Variants in HECTD4 observed in about 807,000 individuals in gnomAD.
HECTD4 encodes probable E3 ubiquitin-protein ligase HECTD4.
HECTD4 carries 114 observed loss-of-function variants against 471.5 expected under a neutral mutation model. The observed-to-expected ratio is 0.24, with a 90% CI of 0.21 to 0.28. The LOEUF is 0.28. HECTD4 is among the 10% of genes least tolerant of loss of function. The probability of loss-of-function intolerance (pLI) is 1.00; values close to 1 mark genes in which losing one functional copy is unlikely to be tolerated. For missense variants in HECTD4, 3,866 were observed against 5,651.5 expected (o/e 0.68, Z 10.13); for synonymous variants, 2,012 against 2,256.0 (o/e 0.89, Z 3.07).
chr12:112,275,833 A>G (rs927890251), intron 9 of HECTD4, among the ~76,000 whole-genome samples: 1 of 152,178 alleles, frequency 6.6e-6, no homozygotes, highest in African/African-American at 2.4e-5. Flanking sequence ...AAAATGGGAC[A>G]GTGGAAAATA....
At chr12:112,232,929 A>G (rs570452086) in intron 38 of HECTD4, 75 bp downstream of exon 38, 1 of 1,344,192 alleles carries the variant, frequency 7.4e-7, no homozygotes, top group African/African-American at 1.4e-5. Flanking sequence ...TGTTTTCTTA[A>G]TTTGTTCTGA....
chr12:112,258,574 T>C lies in HECTD4; in HGVS notation c.3050A>G (p.Gln1017Arg). The change falls in exon 20 of 76, where the codon CAG becomes CGG. Residue 1017 changes from glutamine to arginine, a missense_variant. Physicochemically the swap from Gln to Arg is conservative, Grantham distance 43 (BLOSUM62 1). This residue lies in a region of HECTD4 where 525 missense variants were observed against 672.6 expected (regional missense o/e 0.78). Coordinates refer to ENST00000682272, the MANE Select transcript of HECTD4 (RefSeq NM_001388303.1). ...GCCCACCTCAGCAAAAACCGGACAC[T>C]GGGTTTTAAGCAGCAACGCCGTCTG... ...TSQTALLLKT[Q>R]CPVFAEVGCS... 4 of 1,605,128 alleles carry C rather than the reference T, an allele frequency of 2.5e-6. No homozygotes were observed. The highest frequency in any genetic ancestry group is 3.4e-6 in the Non-Finnish European group (4 of 1,176,666).
At chr12:112,196,530 G>A (rs2032249720) in intron 55 of HECTD4, among the ~76,000 whole-genome samples, 1 of 152,136 alleles carries the variant, frequency 6.6e-6, no homozygotes, top group Non-Finnish European at 1.5e-5. Flanking sequence ...AGAACCCCAC[G>A]GTTCTCCCCT....
chr12:112,341,187 G>A (rs2036047650), intron 1 of HECTD4, among the ~76,000 whole-genome samples: 1 of 152,146 alleles, frequency 6.6e-6, no homozygotes, highest in South Asian at 2.1e-4. Flanking sequence ...CTACCTGTCA[G>A]TGCACATACA....
At chr12:112,181,360 T>G (rs778181267) in intron 62 of HECTD4, among the ~76,000 whole-genome samples, 2 of 152,184 alleles carry the variant, frequency 1.3e-5, no homozygotes, top group African/African-American at 4.8e-5. Context: ...TACAATATTA[T>G]TTCTCTTACT....
rs761302717 is a variant in HECTD4, at chr12:112,163,669, T to A, written c.12770A>T (p.Glu4257Val). Residue 4257 changes from glutamate (E) to valine (V), a missense_variant, in exon 74 of 76, where the codon GAG (glutamate) becomes GTG (valine). This residue lies in a region of HECTD4 where 715 missense variants were observed against 1,087.6 expected (regional missense o/e 0.66). Coordinates refer to ENST00000682272, the MANE Select transcript of HECTD4 (RefSeq NM_001388303.1). The surrounding 1 kb of genome is among the most constrained non-coding windows in gnomAD (Gnocchi z 8.2). ...GCCGGCCCGCACGGCCGTCACGCACTCCACATTCTGCAGCTCCCGCAGCCG... is the reference window on the plus strand; with the variant it reads ...GCCGGCCCGCACGGCCGTCACGCACACCACATTCTGCAGCTCCCGCAGCCG... Reference protein sequence around the residue: ...SLRLRELQNVECVTAVRAGLG... With the variant: ...SLRLRELQNVVCVTAVRAGLG... The A allele has an allele frequency of 6.5e-7, 1 of 1,532,318 alleles. No homozygotes were observed. The allele number at this position is 1,532,318 out of a possible 1,614,324, so 94.9% of individuals were successfully genotyped here.
intron 54 of HECTD4, among the ~76,000 whole-genome samples, chr12:112,201,730 A>G (rs1333998643): frequency 6.6e-6 from 1 of 152,222 alleles, no homozygotes; most frequent in African/African-American, 2.4e-5. Flanking sequence ...AGCAATTTAA[A>G]GAGAATAGTG....
intron 23 of HECTD4, among the ~76,000 whole-genome samples, chr12:112,251,564 G>A (rs2033888360): frequency 6.6e-6 from 1 of 152,174 alleles, no homozygotes; most frequent in African/African-American, 2.4e-5. Context: ...TCCTCTGTGT[G>A]CCAGCCATTG....
rs559458940 is a variant in HECTD4, at chr12:112,166,220, A to T, written c.12534+1097T>A. ...CTGTGGGTGTTCTTCCACCCTTTAGACAATGCCTTGTCATCCCTGTTTCTA... is the reference window on the plus strand; with the variant it reads ...CTGTGGGTGTTCTTCCACCCTTTAGTCAATGCCTTGTCATCCCTGTTTCTA... On this transcript the variant is annotated intron_variant, in intron 72 of 75. Transcript: ENST00000682272. The surrounding 1 kb of genome is among the most constrained non-coding windows in gnomAD (Gnocchi z 4.6). 1 of 152,396 alleles carries T rather than the reference A, an allele frequency of 6.6e-6. No individual in the cohort carries two copies. The highest frequency in any genetic ancestry group is 1.9e-4 in the East Asian group (1 of 5,192). 9.4% of individuals were successfully genotyped at this position (152,396 alleles called of 1,614,324 possible). A position where few individuals can be genotyped will look rare whatever the true frequency, so the allele number is the denominator to read the frequency against.
chr12:112,216,946 GCAAT>G, intron 46 of HECTD4, 25 bp from the exon 47 acceptor site: 1 of 1,609,786 alleles, frequency 6.2e-7, no homozygotes, highest in Non-Finnish European at 8.5e-7. Context: ...GAAGAGAGCA[GCAAT>G]CAGAGGGCTA....
chr12:112,192,944 T>C, intron 58 of HECTD4, 117 bp downstream of exon 58: 1 of 1,324,014 alleles, frequency 7.6e-7, no homozygotes, highest in Non-Finnish European at 1.1e-6. Context: ...TGGAGAGAAT[T>C]GTAAGTCATT....
At chr12:112,241,777 C>T (rs1177761372) in intron 32 of HECTD4, among the ~76,000 whole-genome samples, 2 of 152,144 alleles carry the variant, frequency 1.3e-5, no homozygotes, top group South Asian at 2.1e-4. Flanking sequence ...GTCTTTTAAG[C>T]CACTTAAATT....
rs2031782200 is a variant in HECTD4 at position 112,184,349 on chromosome 12, G to A, written c.10617C>T (p.Ser3539=). The change falls in exon 61 of 76, where the codon TCC becomes TCT. Residue 3539 remains serine, a synonymous_variant. Transcript: ENST00000682272. This position sits in a 1 kb window ranked among gnomAD's most constrained non-coding sequence, Gnocchi z 9.1. ...AVSSQESLDI[S]LCSTGSLGSL... ...TGCCCAGGCTGCCGGTGCTGCACAG[G>A]GAAATGTCCAGGCTTTCCTGGCTGG... 1 of 1,612,852 alleles carries A rather than the reference G, an allele frequency of 6.2e-7. No homozygotes were observed. The highest frequency in any genetic ancestry group is 8.5e-7 in the Non-Finnish European group (1 of 1,179,782).
In HECTD4 at chr12:112,381,644, T is replaced by A. The variant is rs1018843623; in HGVS notation, c.177+308A>T. ...GGAGGGCCCGGGTGGTGGCGGTGGC[T>A]CCTCTGGGGCATGAAGGCCGAGCCA... On this transcript the variant is annotated intron_variant, in intron 1 of 75. Coordinates refer to ENST00000682272, the MANE Select transcript of HECTD4 (RefSeq NM_001388303.1). The surrounding 1 kb of genome is among the most constrained non-coding windows in gnomAD (Gnocchi z 4.1). Among the ~76,000 whole-genome samples the A allele has an allele frequency of 3.2e-4, 49 of 151,776 alleles. No individual in the cohort carries two copies. The highest frequency in any genetic ancestry group is 6.5e-4 in the Non-Finnish European group (44 of 67,902).
intron 66 of HECTD4, among the ~76,000 whole-genome samples, chr12:112,174,768 T>C (rs546613651): frequency 6.6e-6 from 1 of 152,038 alleles, no homozygotes; most frequent in South Asian, 2.1e-4. Context: ...TTCACCATAT[T>C]GGCCAGGCTG....
rs1322809213 is a variant in HECTD4, at chr12:112,319,321, C to A, written c.599G>T (p.Cys200Phe). 1.3e-6 allele frequency: 2 copies of A among 1,536,148 alleles called. No homozygotes were observed. The highest frequency in any genetic ancestry group is 2.0e-5 in the Admixed American group (1 of 51,000). Reference protein sequence around the residue: ...DCLNGIETLLCSWLEETSDTG... With the variant: ...DCLNGIETLLFSWLEETSDTG... ...GTCAGAAGTCTCCTCTAGCCAAGAG[C>A]ACAGCAAAGTTTCAATTCCATTGAG... The change falls in exon 2 of 76, where the codon TGC (cysteine) becomes TTC (phenylalanine). Residue 200 changes from cysteine (C) to phenylalanine (F), a missense_variant. Transcript: ENST00000682272. This position sits in a 1 kb window ranked among gnomAD's most constrained non-coding sequence, Gnocchi z 5.3.
chr12:112,167,283 T>C, intron 72 of HECTD4, 34 bp downstream of exon 72: 1 of 1,560,244 alleles, frequency 6.4e-7, no homozygotes, highest in Non-Finnish European at 8.7e-7. Flanking sequence ...GGCCCCGGGT[T>C]CTGCAGCCCC....
rs777711984 is a variant in HECTD4 at position 112,164,071 on chromosome 12, C to A, written c.12701+38G>T. ...GTCATACCCTGGCTGGCTGGCCGGG[C>A]CAGCCCCTGCCAGCCCCTGACACGC... On this transcript the variant is annotated intron_variant, in intron 73 of 75. Transcript: ENST00000682272. 3.3e-5 allele frequency: 46 copies of A among 1,394,382 alleles called. No homozygotes were observed. In the African/African-American group the frequency reaches 5.4e-4, roughly 16 times the overall value. 86.4% of individuals were successfully genotyped at this position (1,394,382 alleles called of 1,614,324 possible). A position where few individuals can be genotyped will look rare whatever the true frequency, so the allele number is the denominator to read the frequency against.
chr12:112,278,285 T>C lies in HECTD4; in HGVS notation c.1687+943A>G, dbSNP rs529884289. Among the ~76,000 whole-genome samples the C allele has an allele frequency of 2.6e-5, 4 of 152,140 alleles. No individual in the cohort carries two copies. The South Asian group carries it at 8.3e-4, about 31-fold the overall frequency. ...TAGTGGTAATGACTGCACAACTCTG[T>C]GAACATATTAAAAACCACTGAATTG... On this transcript the variant is annotated intron_variant, in intron 9 of 75. Coordinates refer to ENST00000682272, the MANE Select transcript of HECTD4 (RefSeq NM_001388303.1).
Sources: gnomAD v4.1 joint callset for allele counts (sites outside exome capture counted in the v4.1 genomes callset) on GRCh38, gnomAD v4.1.1 for gene constraint, gnomAD v4.1.1 regional missense constraint, Gnocchi (gnomAD v3.1) non-coding constraint, MANE v1.5 for transcripts, NCBI Gene and HGNC (gene_info 2026-07-23, HGNC 2026-07-21) for gene names.